The following TNRC18 variants were observed in gnomAD, a reference collection of about 807,000 sequenced individuals.
TNRC18 encodes trinucleotide repeat containing 18, also known as trinucleotide repeat-containing gene 18 protein.
A neutral mutation model predicts 226.7 loss-of-function variants in TNRC18; 69 were observed. That is an observed-to-expected ratio of 0.30 (90% CI 0.25 to 0.37). The LOEUF (loss-of-function observed/expected upper bound fraction) is 0.37, where lower values mean the gene tolerates loss of function less well. TNRC18 is among the 10% of genes least tolerant of loss of function. The probability of loss-of-function intolerance (pLI) is 1.00; values close to 1 mark genes in which losing one functional copy is unlikely to be tolerated. For synonymous variants in TNRC18, 2,449 were observed against 1,927.6 expected, an observed-to-expected ratio of 1.27 and a Z score of -7.09; for missense variants, 4,754 against 4,256.6, an observed-to-expected ratio of 1.12 and a Z score of -3.25.
At chr7:5,387,471 G>A (rs1779877499) in intron 5 of TNRC18, among the ~76,000 whole-genome samples, 1 of 152,232 alleles carries the variant, frequency 6.6e-6, no homozygotes, top group African/African-American at 2.4e-5. Context: ...CATCGGAGAA[G>A]GAACAAACGA....
rs1782698737 is a variant in TNRC18 at position 5,423,605 on chromosome 7, T to A, written c.-408A>T. The stretch of plus-strand genomic sequence containing the variant: ...ACTTTTTGCCCGCCTTTCCTTTTTT[T>A]GGTAGAAAACCGCTCCCCGGGCCGA... On this transcript the variant is annotated 5_prime_UTR_variant, in exon 1 of 30. Coordinates refer to ENST00000430969, the MANE Select transcript of TNRC18 (RefSeq NM_001080495.3). 6.6e-6 allele frequency: 1 copy of A among 151,296 alleles called. No homozygotes were observed. Among genetic ancestry groups the A allele is most frequent in the Admixed American group, 6.6e-5 (1 of 15,204 alleles). 9.4% of individuals were successfully genotyped at this position (151,296 alleles called of 1,614,324 possible).
chr7:5,394,554 G>T lies in TNRC18; in HGVS notation c.229C>A (p.Pro77Thr). The change falls in exon 3 of 30, where the codon CCC (proline) becomes ACC (threonine). Residue 77 changes from proline to threonine, a missense_variant. Physicochemically the swap from Pro to Thr is conservative, Grantham distance 38. Coordinates refer to ENST00000430969, the MANE Select transcript of TNRC18 (RefSeq NM_001080495.3). The surrounding 1 kb of genome is among the most constrained non-coding windows in gnomAD (Gnocchi z 4.5). ...LGSFVASGMG[P>T]SASSHGSPVP... The stretch of plus-strand genomic sequence containing the variant: ...GGGCTCCCATGGGACGAGGCCGAGG[G>T]CCCCATCCCGCTGGCCACAAAGCTG... 1 of 1,550,036 alleles carries T rather than the reference G, an allele frequency of 6.5e-7. No homozygotes were observed. The highest frequency in any genetic ancestry group is 2.0e-5 in the Admixed American group (1 of 49,188).
At chr7:5,353,075 C>A (rs948349370) in intron 16 of TNRC18, among the ~76,000 whole-genome samples, 1 of 152,126 alleles carries the variant, frequency 6.6e-6, no homozygotes, top group African/African-American at 2.4e-5. Flanking sequence ...CAGGATGGTC[C>A]GGCAACTCTT....
chr7:5,375,319 C>A (rs1367130818), intron 9 of TNRC18, among the ~76,000 whole-genome samples: 1 of 144,496 alleles, frequency 6.9e-6, no homozygotes, highest in African/African-American at 2.6e-5. Context: ...AAAAAAACAA[C>A]AAAAACAAAC....
intron 14 of TNRC18, among the ~76,000 whole-genome samples, chr7:5,360,676 G>A (rs1433927680): frequency 2.0e-5 from 3 of 152,162 alleles, no homozygotes; most frequent in Admixed American, 6.5e-5. Flanking sequence ...CACGCTGCTG[G>A]TGGCCGCAGC....
intron 2 of TNRC18, among the ~76,000 whole-genome samples, chr7:5,411,266 G>A (rs1470439321): frequency 2.0e-5 from 3 of 150,816 alleles, no homozygotes; most frequent in East Asian, 1.9e-4. Context: ...GGTGGGGAAA[G>A]GTTCATACAC....
chr7:5,361,494 G>T (rs1424334548), intron 14 of TNRC18, 100 bp downstream of exon 14: 8 of 1,347,378 alleles, frequency 5.9e-6, no homozygotes, highest in Non-Finnish European at 7.8e-6. Context: ...CCCGAGGGAC[G>T]CGAGGTCCCC....
rs570963680 is a variant in TNRC18 at position 5,406,220 on chromosome 7, T to C, written c.188-11625A>G. Among the ~76,000 whole-genome samples the C allele has an allele frequency of 1.3e-4, 20 of 152,250 alleles. No individual in the cohort carries two copies. In the East Asian group the frequency reaches 3.9e-3, roughly 29 times the overall value. On this transcript the variant is annotated intron_variant, in intron 2 of 29. Coordinates refer to ENST00000430969, the MANE Select transcript of TNRC18 (RefSeq NM_001080495.3). Reference sequence around the variant, plus strand: ...TGGCTCACGCCTGTAATCCCAGCACTTTGGGAGGCCGACGGGCAAATCATT... The same window carrying C: ...TGGCTCACGCCTGTAATCCCAGCACCTTGGGAGGCCGACGGGCAAATCATT...
rs565576386 is a variant in TNRC18 at position 5,320,947 on chromosome 7, C to T, written c.6560+126G>A. ...CCCGTCAGCTCTGAGCCCACTCATG[C>T]CCCTGCCCTGTGCCATCGGGGGAAA... On this transcript the variant is annotated intron_variant, in intron 22 of 29. Transcript: ENST00000430969. 1.4e-5 allele frequency: 10 copies of T among 731,664 alleles called. No individual in the cohort carries two copies. The South Asian group carries it at 1.6e-4, about 12-fold the overall frequency. The allele number at this position is 731,664 out of a possible 1,614,324, so 45.3% of individuals were successfully genotyped here. A position where few individuals can be genotyped will look rare whatever the true frequency, so the allele number is the denominator to read the frequency against.
intron 2 of TNRC18, among the ~76,000 whole-genome samples, chr7:5,419,054 G>T (rs944482757): frequency 1.3e-5 from 2 of 152,262 alleles, no homozygotes; most frequent in Admixed American, 6.5e-5. Context: ...TCGGCGTGCA[G>T]AAGTCAGGCA....
At position 5,361,651 on chromosome 7, in the gene TNRC18, G is replaced by C; in HGVS notation, c.4604C>G (p.Ala1535Gly). 6.4e-7 allele frequency: 1 copy of C among 1,559,376 alleles called. No individual in the cohort carries two copies. Among genetic ancestry groups the C allele is most frequent in the Non-Finnish European group, 8.7e-7 (1 of 1,153,252 alleles). ...GCGGGGGGGCGACAGGGCGCTCGGG[G>C]CGTGGGTCCGTTTCCGCGGCCTGCC... Reference protein sequence around the residue: ...GPGRPRKRTHAPSALSPPRKR... With the variant: ...GPGRPRKRTHGPSALSPPRKR... Residue 1535 changes from alanine to glycine, a missense_variant, in exon 14 of 30, where the codon GCC (alanine) becomes GGC (glycine). Ala to Gly is a moderately conservative substitution (Grantham distance 60). Transcript: ENST00000430969.
At chr7:5,341,258 A>G (rs1034820313) in intron 18 of TNRC18, among the ~76,000 whole-genome samples, 3 of 149,464 alleles carry the variant, frequency 2.0e-5, no homozygotes, top group African/African-American at 7.4e-5. Flanking sequence ...AAAAAAAAAA[A>G]GCACAAAAAA....
At chr7:5,320,081 A>G in intron 24 of TNRC18, 1 of 507,118 alleles carries the variant, frequency 2.0e-6, no homozygotes, top group Non-Finnish European at 3.6e-6. Flanking sequence ...ATCTCCAAGG[A>G]GCTAGTGTGA....
At position 5,362,804 on chromosome 7, in the gene TNRC18, G is replaced by A. The variant is rs760797018; in HGVS notation, c.4241C>T (p.Ala1414Val). The change falls in exon 12 of 30, where the codon GCG becomes GTG. Residue 1414 changes from alanine (A) to valine (V), a missense_variant. Coordinates refer to ENST00000430969, the MANE Select transcript of TNRC18 (RefSeq NM_001080495.3). ...CAGCAGACTCTCCAGGGAGGGCCGC[G>A]CCACCAGGGCCCGCTCCGCACCTGT... ...EMGGAERALV[A>V]RPSLESLLAA... 6.4e-5 allele frequency: 100 copies of A among 1,561,196 alleles called. No individual in the cohort carries two copies. The highest frequency in any genetic ancestry group is 6.4e-4 in the East Asian group (27 of 42,282).
intron 21 of TNRC18, among the ~76,000 whole-genome samples, chr7:5,322,949 G>T (rs1307674397): frequency 2.0e-5 from 3 of 152,202 alleles, no homozygotes; most frequent in African/African-American, 7.2e-5. Flanking sequence ...TAGGCCTCGA[G>T]AGAGCTCTTA....
chr7:5,313,794 G>A lies in TNRC18; in HGVS notation c.7097C>T (p.Pro2366Leu), dbSNP rs577671066. The change falls in exon 27 of 30, where the codon CCG becomes CTG. Residue 2366 changes from proline (P) to leucine (L), a missense_variant. Coordinates refer to ENST00000430969, the MANE Select transcript of TNRC18 (RefSeq NM_001080495.3). ...CTTCTTGGAACCTGGGGTGCTGCTC[G>A]GCTCCAGGGCTAAGGGGGTACTGGG... is the stretch of plus-strand genomic sequence containing the variant. ...EVPSTPLALE[P>L]SSTPGSKKSP... The A allele has an allele frequency of 1.1e-5, 17 of 1,531,662 alleles. No homozygotes were observed. Among genetic ancestry groups the A allele is most frequent in the South Asian group, 8.9e-5 (7 of 78,886 alleles). 94.9% of individuals were successfully genotyped at this position (1,531,662 alleles called of 1,614,324 possible). A position where few individuals can be genotyped will look rare whatever the true frequency, so the allele number is the denominator to read the frequency against.
chr7:5,387,429 C>G (rs1779874513), intron 5 of TNRC18, among the ~76,000 whole-genome samples: 1 of 152,182 alleles, frequency 6.6e-6, no homozygotes, highest in Non-Finnish European at 1.5e-5. Flanking sequence ...GCGATGCACA[C>G]AAAGACTGAA....
At chr7:5,354,533 GTC>G (rs989293881) in intron 16 of TNRC18, among the ~76,000 whole-genome samples, 22 of 152,098 alleles carry the variant, frequency 1.4e-4, no homozygotes, top group African/African-American at 5.3e-4. Flanking sequence ...AGAGTGATGA[GTC>G]TCTGGCACTG....
chr7:5,349,796 A>G (rs1025465306), intron 17 of TNRC18, among the ~76,000 whole-genome samples: 1 of 152,182 alleles, frequency 6.6e-6, no homozygotes, highest in Non-Finnish European at 1.5e-5. Flanking sequence ...CATACTAGAA[A>G]AGCCAAGCCA....
Sources: gnomAD v4.1 joint callset for allele counts (sites outside exome capture counted in the v4.1 genomes callset) on GRCh38, gnomAD v4.1.1 for gene constraint, Gnocchi (gnomAD v3.1) non-coding constraint, MANE v1.5 for transcripts, NCBI Gene and HGNC (gene_info 2026-07-23, HGNC 2026-07-21) for gene names.